Variants in ZNF415 observed in about 807,000 individuals in gnomAD.
The protein encoded by ZNF415 is zinc finger protein 415.
ZNF415 carries 5 observed loss-of-function variants against 7.3 expected under a neutral mutation model. The ratio of observed to expected loss-of-function variants is 0.69; its 90% CI spans 0.36 to 1.44. The LOEUF (loss-of-function observed/expected upper bound fraction) is 1.44. ZNF415 is among the 40% of genes most tolerant of loss of function. The pLI, the probability that ZNF415 is intolerant of heterozygous loss-of-function variation, is 0.04. For missense variants in ZNF415, 628 were observed against 664.8 expected (o/e 0.94, Z 0.61); for synonymous variants, 207 against 226.3 (o/e 0.91, Z 0.77).
At chr19:53,127,254 C>T (rs113940748) in intron 1 of ZNF415, among the ~76,000 whole-genome samples, 78 of 152,226 alleles carry the variant, frequency 5.1e-4, no homozygotes, top group African/African-American at 1.9e-3. Context: ...GACTCAGACA[C>T]GCTTACAAAC....
intron 1 of ZNF415, among the ~76,000 whole-genome samples, chr19:53,127,296 C>T (rs982562424): frequency 1.3e-5 from 2 of 152,178 alleles, no homozygotes; most frequent in Non-Finnish European, 2.9e-5. Context: ...CCAGATAGTC[C>T]ATAAAGGTCA....
chr19:53,121,363 C>T (rs150888334), intron 2 of ZNF415, among the ~76,000 whole-genome samples: 3,044 of 146,606 alleles, frequency 0.021, 100 homozygotes, highest in African/African-American at 0.072. Flanking sequence ...CCAGCATGGG[C>T]GACAGACTGA....
At chr19:53,126,597 C>G (rs2089169711) in intron 1 of ZNF415, among the ~76,000 whole-genome samples, 1 of 130,534 alleles carries the variant, frequency 7.7e-6, no homozygotes, top group Admixed American at 8.3e-5. Flanking sequence ...ACAAGCAGAC[C>G]AACCCCTCCT....
At chr19:53,117,095 C>T (rs951876213) in intron 2 of ZNF415, among the ~76,000 whole-genome samples, 2 of 151,990 alleles carry the variant, frequency 1.3e-5, no homozygotes, top group Non-Finnish European at 2.9e-5. Flanking sequence ...AGATACAATC[C>T]AAAAATGTCT....
At chr19:53,119,376 T>C (rs1199563242) in intron 2 of ZNF415, among the ~76,000 whole-genome samples, 1 of 116,348 alleles carries the variant, frequency 8.6e-6, no homozygotes, top group Non-Finnish European at 1.6e-5. Flanking sequence ...ACCAGGGAGG[T>C]GGAGGTTGCA....
In ZNF415 at chr19:53,113,283, C is replaced by T. The variant is rs2086516127; in HGVS notation, c.136+3030G>A. Among the ~76,000 whole-genome samples the T allele has an allele frequency of 2.5e-4, 7 of 28,314 alleles. 3 individuals carry two copies. The South Asian group carries it at 0.011, about 46-fold the overall frequency. The allele number at this position is 28,314 out of a possible 152,430, so 18.6% of individuals were successfully genotyped here. On this transcript the variant is annotated intron_variant, in intron 3 of 3. Transcript: ENST00000243643. ...CAGCACTTTGGGAGGCCGAGACGGG[C>T]GGATCACGAGGTCAGGAGATCGAGA...
Position 53,108,938 on chromosome 19 carries a change from T to C in ZNF415, c.1107A>G (p.Ser369=). ...GAATTCTCTGATGAGTTGCAAGGCT[T>C]GAAGTCTGACTGAACACCTTGCCAC... The part of the protein sequence containing the change: ...NECGKVFSQT[S]SLATHQRIHT... Residue 369 remains serine (S), a synonymous_variant, in exon 4 of 4, where the codon TCA becomes TCG. Coordinates refer to ENST00000243643, the MANE Select transcript of ZNF415 (RefSeq NM_018355.4). 1 of 1,614,164 alleles carries C rather than the reference T, an allele frequency of 6.2e-7. No individual in the cohort carries two copies. The highest frequency in any genetic ancestry group is 1.1e-5 in the South Asian group (1 of 91,078).
In ZNF415 at chr19:53,109,009, G is replaced by T. The variant is rs370070086; in HGVS notation, c.1036C>A (p.His346Asn). ...AFSVRSTLTN[H>N]QVIHSGKKPY... ...TTCTTGCCACTATGAATTACCTGAT[G>T]GTTGGTAAGTGTTGACCTCACACTA... The change falls in exon 4 of 4, where the codon CAT becomes AAT. Residue 346 changes from histidine to asparagine, a missense_variant. His to Asn is a moderately conservative substitution (Grantham distance 68). Transcript: ENST00000243643. The T allele has an allele frequency of 1.5e-5, 24 of 1,614,064 alleles. No homozygotes were observed. Among genetic ancestry groups the T allele is most frequent in the Non-Finnish European group, 1.9e-5 (22 of 1,179,982 alleles).
chr19:53,129,520 TGCCAAACACA>T lies in ZNF415; in HGVS notation c.-68+3326_-68+3335del. On this transcript the variant is annotated intron_variant, in intron 1 of 3. Coordinates refer to ENST00000243643, the MANE Select transcript of ZNF415 (RefSeq NM_018355.4). ...ACTGGCTAGTCCCCCCACATACAACTGCCAAACACAAATGCACACCCAATTTTGCCCCAAA... is the reference window on the plus strand; with the variant it reads ...ACTGGCTAGTCCCCCCACATACAACTAATGCACACCCAATTTTGCCCCAAA... 3 of 403,484 alleles carry T rather than the reference TGCCAAACACA, an allele frequency of 7.4e-6. No homozygotes were observed. In the East Asian group the frequency reaches 1.1e-4, roughly 14 times the overall value. The allele number at this position is 403,484 out of a possible 1,614,324, so 25.0% of individuals were successfully genotyped here. A position where few individuals can be genotyped will look rare whatever the true frequency, so the allele number is the denominator to read the frequency against.
chr19:53,122,362 A>G, intron 2 of ZNF415: 1 of 1,530,274 alleles, frequency 6.5e-7, no homozygotes, highest in South Asian at 1.2e-5. Flanking sequence ...GCCCCTGAAC[A>G]ATCCCTGCTG....
At chr19:53,111,757 T>C (rs1321227336) in intron 3 of ZNF415, among the ~76,000 whole-genome samples, 1 of 152,202 alleles carries the variant, frequency 6.6e-6, no homozygotes. Context: ...GGGACTTTAC[T>C]GTAAGACATG....
intron 1 of ZNF415, among the ~76,000 whole-genome samples, chr19:53,129,926 G>A (rs1323911555): frequency 6.6e-6 from 1 of 152,094 alleles, no homozygotes; most frequent in Non-Finnish European, 1.5e-5. Flanking sequence ...TTAGCCGGGT[G>A]TGGTGGCCTG....
At chr19:53,111,756 C>T (rs1178016706) in intron 3 of ZNF415, among the ~76,000 whole-genome samples, 1 of 152,184 alleles carries the variant, frequency 6.6e-6, no homozygotes. Context: ...TGGGACTTTA[C>T]TGTAAGACAT....
chr19:53,128,860 C>T (rs1356262422), intron 1 of ZNF415, among the ~76,000 whole-genome samples: 1 of 111,786 alleles, frequency 8.9e-6, no homozygotes, highest in Non-Finnish European at 2.1e-5. Flanking sequence ...GCATCTGAAC[C>T]ACAACCCCGG....
At position 53,109,710 on chromosome 19, in the gene ZNF415, G is replaced by A. The variant is rs769109320; in HGVS notation, c.335C>T (p.Thr112Met). 29 of 1,613,816 alleles carry A rather than the reference G, an allele frequency of 1.8e-5. No individual in the cohort carries two copies. Among genetic ancestry groups the A allele is most frequent in the East Asian group, 4.5e-5 (2 of 44,870 alleles). ...DDERNCNKVT[T>M]APKENLTCRR... is the part of the protein sequence containing the mutation. Reference sequence around the variant, plus strand: ...ACAAGTAAGATTTTCTTTTGGGGCCGTAGTCACTTTGTTGCAATTTCTTTC... The same window carrying A: ...ACAAGTAAGATTTTCTTTTGGGGCCATAGTCACTTTGTTGCAATTTCTTTC... Residue 112 changes from threonine to methionine, a missense_variant, in exon 4 of 4, where the codon ACG becomes ATG. Transcript: ENST00000243643.
intron 1 of ZNF415, chr19:53,123,573 G>C: frequency 5.0e-6 from 2 of 398,718 alleles, no homozygotes. Context: ...GAGCAAGCTC[G>C]GCCCAGGAAC....
At chr19:53,115,810 C>G (rs1320298559) in intron 3 of ZNF415, 41 of 1,549,136 alleles carry the variant, frequency 2.6e-5, no homozygotes, top group Admixed American at 7.8e-5. Flanking sequence ...TAGGATAATA[C>G]TCTGGTCAGG....
intron 3 of ZNF415, among the ~76,000 whole-genome samples, chr19:53,112,824 C>T (rs1236177606): frequency 1.6e-4 from 25 of 152,228 alleles, no homozygotes; most frequent in Admixed American, 1.6e-3. Flanking sequence ...TGGTGGCTCA[C>T]GCCTGTAATC....
chr19:53,119,444 C>CAAAAAAAA (rs34688086), intron 2 of ZNF415, among the ~76,000 whole-genome samples: 1 of 35,096 alleles, frequency 2.8e-5, no homozygotes, highest in Non-Finnish European at 4.8e-5. Flanking sequence ...GACTCCATCT[C>CAAAAAAAA]AAAAAAAAAA....
Sources: gnomAD v4.1 joint callset for allele counts (sites outside exome capture counted in the v4.1 genomes callset) on GRCh38, gnomAD v4.1.1 for gene constraint, MANE v1.5 for transcripts, NCBI Gene and HGNC (gene_info 2026-07-23, HGNC 2026-07-21) for gene names.